Variants in MCPH1 observed in about 807,000 individuals in gnomAD.
MCPH1 encodes microcephalin 1, also known as microcephalin.
A neutral mutation model predicts 84.5 loss-of-function variants in MCPH1; 104 were observed. That is an observed-to-expected ratio of 1.23 (90% CI 1.05 to 1.45). MCPH1 has a LOEUF of 1.45. Ranked by LOEUF, MCPH1 falls within the 40% of genes most tolerant of loss-of-function variation. The pLI is 0.00. For missense variants in MCPH1, 1,498 were observed against 1,005.7 expected (o/e 1.49, Z -6.62); for synonymous variants, 514 against 366.8 (o/e 1.40, Z -4.58).
chr8:6,596,536 C>G (rs1196944222), intron 12 of MCPH1, among the ~76,000 whole-genome samples: 1 of 152,134 alleles, frequency 6.6e-6, no homozygotes, highest in African/African-American at 2.4e-5. Flanking sequence ...AGGAGATGAC[C>G]CAGCACAATG....
chr8:6,449,440 C>T (rs1179878907), intron 8 of MCPH1, among the ~76,000 whole-genome samples: 1 of 152,082 alleles, frequency 6.6e-6, no homozygotes, highest in Admixed American at 6.5e-5. Flanking sequence ...TCAAGACCAA[C>T]CTGACCAACA....
chr8:6,467,754 G>A (rs1266091973), intron 9 of MCPH1, among the ~76,000 whole-genome samples: 1 of 152,086 alleles, frequency 6.6e-6, no homozygotes, highest in Non-Finnish European at 1.5e-5. Flanking sequence ...GTGCCACCAT[G>A]CTCAGCTAAT....
chr8:6,555,825 C>G (rs1468584803), intron 12 of MCPH1, among the ~76,000 whole-genome samples: 1 of 152,158 alleles, frequency 6.6e-6, no homozygotes, highest in African/African-American at 2.4e-5. Context: ...CCAATTGCAC[C>G]AATTCTATTA....
chr8:6,532,703 A>T (rs1474707204), intron 12 of MCPH1, among the ~76,000 whole-genome samples: 1 of 152,044 alleles, frequency 6.6e-6, no homozygotes, highest in Non-Finnish European at 1.5e-5. Context: ...CAACTTAGTC[A>T]CATCATGTAA....
intron 13 of MCPH1, 147 bp from the exon 14 acceptor site, chr8:6,642,847 T>C (rs1586908322): frequency 4.1e-6 from 3 of 728,534 alleles, no homozygotes; most frequent in East Asian, 2.7e-5. Flanking sequence ...AAGGTATGTG[T>C]GCTCTATGGA....
chr8:6,592,894 T>C (rs1347907157), intron 12 of MCPH1, among the ~76,000 whole-genome samples: 1 of 149,992 alleles, frequency 6.7e-6, no homozygotes, highest in Non-Finnish European at 1.5e-5. Context: ...CTCAAACTCC[T>C]GAGCTCAAGT....
At chr8:6,494,461 G>A (rs1219837338) in intron 11 of MCPH1, 1 of 152,156 alleles carries the variant, frequency 6.6e-6, no homozygotes, top group Non-Finnish European at 1.5e-5. Context: ...GTGTAACCTT[G>A]GGTAAGGCAG....
At chr8:6,636,885 A>G (rs2129583085) in intron 13 of MCPH1, among the ~76,000 whole-genome samples, 1 of 152,342 alleles carries the variant, frequency 6.6e-6, no homozygotes, top group East Asian at 1.9e-4. Context: ...ATATCCTTTT[A>G]CACATTTCCT....
At chr8:6,525,167 T>C (rs779434065) in intron 12 of MCPH1, among the ~76,000 whole-genome samples, 6 of 152,208 alleles carry the variant, frequency 3.9e-5, no homozygotes, top group Non-Finnish European at 7.3e-5. Context: ...ATTACATATC[T>C]CGCCCATAAG....
intron 11 of MCPH1, among the ~76,000 whole-genome samples, chr8:6,496,248 T>A (rs552309746): frequency 6.6e-6 from 1 of 152,244 alleles, no homozygotes; most frequent in South Asian, 2.1e-4. Context: ...CCTAGATCCC[T>A]CATCTGCACA....
chr8:6,611,803 G>A (rs184524019), intron 12 of MCPH1, among the ~76,000 whole-genome samples: 313 of 152,128 alleles, frequency 2.1e-3, no homozygotes, highest in African/African-American at 6.9e-3. Flanking sequence ...TATTTTTAGC[G>A]GAGACGGGGT....
At chr8:6,510,999 TC>T (rs1038653356) in intron 12 of MCPH1, among the ~76,000 whole-genome samples, 1 of 152,232 alleles carries the variant, frequency 6.6e-6, no homozygotes, top group African/African-American at 2.4e-5. Flanking sequence ...GTACTTTCTT[TC>T]CATTGTCTTC....
chr8:6,566,729 A>G (rs1826191014), intron 12 of MCPH1, among the ~76,000 whole-genome samples: 2 of 151,180 alleles, frequency 1.3e-5, no homozygotes, highest in African/African-American at 2.4e-5. Flanking sequence ...CGGCAAGGCC[A>G]TGGATAGTGC....
At chr8:6,625,379 T>G (rs148667287) in intron 13 of MCPH1, 171 of 985,416 alleles carry the variant, frequency 1.7e-4, no homozygotes, top group Middle Eastern at 5.2e-4. Flanking sequence ...ACAAAGCACA[T>G]TGTGTCTTTT....
chr8:6,444,334 T>G, intron 7 of MCPH1, 59 bp from the exon 8 acceptor site: 1 of 1,603,002 alleles, frequency 6.2e-7, no homozygotes, highest in Non-Finnish European at 8.5e-7. Context: ...CAACTGAAAG[T>G]TGAATATAGA....
intron 12 of MCPH1, among the ~76,000 whole-genome samples, chr8:6,599,114 C>G (rs923981959): frequency 1.3e-5 from 2 of 152,200 alleles, no homozygotes; most frequent in Admixed American, 6.5e-5. Flanking sequence ...AATGTTCCCT[C>G]CAACTCAGGC....
intron 9 of MCPH1, chr8:6,473,721 C>G (rs2129558873): frequency 2.1e-6 from 1 of 485,738 alleles, no homozygotes; most frequent in Non-Finnish European, 3.5e-6. Flanking sequence ...AACCTTTATA[C>G]TATCCGCCTG....
chr8:6,466,519 G>T (rs1391108702), intron 9 of MCPH1, among the ~76,000 whole-genome samples: 1 of 152,210 alleles, frequency 6.6e-6, no homozygotes, highest in Non-Finnish European at 1.5e-5. Context: ...GTATTAGCCA[G>T]GATGGTCTCA....
At chr8:6,627,994 T>G (rs771609525) in intron 13 of MCPH1, among the ~76,000 whole-genome samples, 15 of 152,158 alleles carry the variant, frequency 9.9e-5, no homozygotes, top group Admixed American at 3.3e-4. Context: ...TGCCATTAGC[T>G]TTGGAAAGGT....
Sources: gnomAD v4.1 joint callset for allele counts (sites outside exome capture counted in the v4.1 genomes callset) on GRCh38, gnomAD v4.1.1 for gene constraint, MANE v1.5 for transcripts, NCBI Gene and HGNC (gene_info 2026-07-23, HGNC 2026-07-21) for gene names.